The following WDPCP variants were observed in gnomAD, a reference collection of about 807,000 sequenced individuals.
WDPCP encodes the protein WD repeat-containing and planar cell polarity effector protein fritz homolog.
In WDPCP, 71 loss-of-function variants were observed where a neutral mutation model predicts 93.1. The ratio of observed to expected loss-of-function variants is 0.76; its 90% CI spans 0.63 to 0.93. The LOEUF (loss-of-function observed/expected upper bound fraction) is 0.93, where lower values mean the gene tolerates loss of function less well. Ranked by LOEUF, WDPCP falls within the 40% of genes least tolerant of loss-of-function variation. WDPCP has a pLI of 0.00. For missense variants in WDPCP, 844 were observed against 887.4 expected (o/e 0.95, Z 0.62); for synonymous variants, 315 against 315.0 (o/e 1.00, Z 0.00).
At chr2:63,550,361 T>C (rs1205369859) in intron 1 of WDPCP, among the ~76,000 whole-genome samples, 1 of 152,168 alleles carries the variant, frequency 6.6e-6, no homozygotes, top group African/African-American at 2.4e-5. Flanking sequence ...AAAAGGAAAC[T>C]GCTTTCGCTA....
chr2:63,835,352 T>C, the WDPCP span, among the ~76,000 whole-genome samples: 2 of 146,604 alleles, frequency 1.4e-5, no homozygotes, highest in Non-Finnish European at 3.0e-5. Flanking sequence ...ACTGCACCAC[T>C]TCACTCCAGC....
At chr2:63,272,459 A>G (rs1682739208) in intron 13 of WDPCP, among the ~76,000 whole-genome samples, 1 of 152,252 alleles carries the variant, frequency 6.6e-6, no homozygotes, top group Non-Finnish European at 1.5e-5. Context: ...GAAACCTGAC[A>G]CTGTCAAAAG....
At chr2:63,471,352 T>C (rs1699678943) in intron 6 of WDPCP, among the ~76,000 whole-genome samples, 1 of 152,232 alleles carries the variant, frequency 6.6e-6, no homozygotes, top group African/African-American at 2.4e-5. Context: ...GCGGAGAAGT[T>C]ATAACCCAAT....
rs1044191375 is a variant in WDPCP at position 63,607,459 on chromosome 2, CCGGGGGG to C, written n.488+43193_488+43199del. Among the ~76,000 whole-genome samples, 44 of 151,722 alleles carry C rather than the reference CCGGGGGG, an allele frequency of 2.9e-4. 1 individual carries two copies. Among genetic ancestry groups the C allele is most frequent in the African/African-American group, 9.2e-4 (38 of 41,320 alleles). ...GGATGAGGTAGGAGAATAGGTTGTC[CCGGGGGG>C]CGGAAGTTGCAGTGAGCCAAGATTG... On this transcript the variant is annotated intron_variant and non_coding_transcript_variant, in intron 3 of 4. Coordinates refer to the WDPCP transcript ENST00000467687.
chr2:63,618,506 G>A (rs1321258482), intron 3 of WDPCP, among the ~76,000 whole-genome samples: 1 of 152,066 alleles, frequency 6.6e-6, no homozygotes, highest in Non-Finnish European at 1.5e-5. Context: ...GAAATGATCA[G>A]TGATTATCCC....
intron 6 of WDPCP, among the ~76,000 whole-genome samples, chr2:63,470,870 T>C (rs756034496): frequency 6.6e-6 from 1 of 152,100 alleles, no homozygotes; most frequent in Non-Finnish European, 1.5e-5. Flanking sequence ...ATGCCAGGTA[T>C]ACTCCCATCT....
chr2:63,644,943 A>G (rs1710031854), intron 3 of WDPCP, among the ~76,000 whole-genome samples: 2 of 151,810 alleles, frequency 1.3e-5, no homozygotes, highest in South Asian at 2.1e-4. Flanking sequence ...TTATCTTTTC[A>G]AGAAACCAAC....
intron 14 of WDPCP, among the ~76,000 whole-genome samples, chr2:63,179,205 GAAA>G (rs552500748): frequency 7.2e-6 from 1 of 138,080 alleles, no homozygotes; most frequent in African/African-American, 2.7e-5. Context: ...GTCTCGGGGG[GAAA>G]AAAAAAAAAG....
chr2:63,676,700 A>G (rs1710407067), intron 2 of WDPCP, among the ~76,000 whole-genome samples: 1 of 152,196 alleles, frequency 6.6e-6, no homozygotes, highest in African/African-American at 2.4e-5. Flanking sequence ...CTATAAAGGA[A>G]TAACACAGGG....
intron 13 of WDPCP, among the ~76,000 whole-genome samples, chr2:63,282,663 T>C (rs1219874122): frequency 6.6e-6 from 1 of 152,180 alleles, no homozygotes; most frequent in Non-Finnish European, 1.5e-5. Flanking sequence ...TTTACAGCCA[T>C]ATACATTTTT....
intron 14 of WDPCP, among the ~76,000 whole-genome samples, chr2:63,178,592 CTCT>C (rs901133831): frequency 1.3e-5 from 2 of 151,888 alleles, no homozygotes; most frequent in South Asian, 2.1e-4. Context: ...TGAGTCTTCT[CTCT>C]TTTTTTTAAT....
At chr2:63,421,732 G>C (rs1489797590) in intron 9 of WDPCP, among the ~76,000 whole-genome samples, 1 of 151,978 alleles carries the variant, frequency 6.6e-6, no homozygotes, top group Non-Finnish European at 1.5e-5. Context: ...TTAAACTAAA[G>C]GGCAAAACCC....
intron 1 of WDPCP, among the ~76,000 whole-genome samples, chr2:63,570,206 T>C (rs1184895577): frequency 6.6e-6 from 1 of 152,228 alleles, no homozygotes; most frequent in Non-Finnish European, 1.5e-5. Context: ...GTGTAAACAA[T>C]ATATTTGTTT....
intron 1 of WDPCP, among the ~76,000 whole-genome samples, chr2:63,530,221 GTTA>G (rs1344319487): frequency 6.6e-6 from 1 of 152,070 alleles, no homozygotes; most frequent in Admixed American, 6.6e-5. Context: ...TCTGATCTTA[GTTA>G]TTTCTTGCCT....
At chr2:63,271,131 G>C (rs779163829) in intron 13 of WDPCP, among the ~76,000 whole-genome samples, 97 of 152,186 alleles carry the variant, frequency 6.4e-4, no homozygotes, top group Non-Finnish European at 8.8e-4. Context: ...GATGTGTACT[G>C]GGGAGGCTGC....
intron 2 of WDPCP, among the ~76,000 whole-genome samples, chr2:63,712,596 A>G (rs76248904): frequency 0.017 from 2,553 of 152,324 alleles, 23 homozygotes; most frequent in African/African-American, 0.018. Context: ...AGCCTGCAGC[A>G]TCAGGCTTTC....
At chr2:63,837,251 T>C in the WDPCP span, among the ~76,000 whole-genome samples, 1 of 152,192 alleles carries the variant, frequency 6.6e-6, no homozygotes, top group Non-Finnish European at 1.5e-5. Context: ...TAGATATAAT[T>C]TGATATCTTT....
chr2:63,122,898 G>A (rs1669643537), intron 17 of WDPCP, among the ~76,000 whole-genome samples: 1 of 151,974 alleles, frequency 6.6e-6, no homozygotes, highest in African/African-American at 2.4e-5. Flanking sequence ...TATCTTAAAA[G>A]TTATTTTTAC....
intron 3 of WDPCP, among the ~76,000 whole-genome samples, chr2:63,611,754 T>G (rs931980245): frequency 7.9e-5 from 12 of 152,308 alleles, no homozygotes; most frequent in African/African-American, 2.9e-4. Context: ...ACGCTTTCAT[T>G]CCAGTAGTGT....
Sources: gnomAD v4.1 joint callset for allele counts (sites outside exome capture counted in the v4.1 genomes callset) on GRCh38, gnomAD v4.1.1 for gene constraint, MANE v1.5 for transcripts, NCBI Gene and HGNC (gene_info 2026-07-23, HGNC 2026-07-21) for gene names.